The following NAV2 variants were observed in gnomAD, a reference collection of about 807,000 sequenced individuals.
The protein encoded by NAV2 is helicase, APC down-regulated 1.
A neutral mutation model predicts 223.2 loss-of-function variants in NAV2; 54 were observed. The ratio of observed to expected loss-of-function variants is 0.24; its 90% CI spans 0.19 to 0.30. NAV2 has a LOEUF of 0.30. Among genes scored for constraint, NAV2 ranks in the 10% least tolerant of loss-of-function variants. The pLI is 1.00. For synonymous variants in NAV2, 1,279 were observed against 1,239.3 expected, an observed-to-expected ratio of 1.03 and a Z score of -0.67; for missense variants, 2,806 against 3,147.5, an observed-to-expected ratio of 0.89 and a Z score of 2.60.
At chr11:20,091,045 C>T (rs780953575) in intron 27 of NAV2, 27 bp downstream of exon 27, 2 of 1,607,496 alleles carry the variant, frequency 1.2e-6, no homozygotes, top group South Asian at 2.2e-5. Context: ...ATGGGCTGAG[C>T]TCAAGGCTGT....
intron 1 of NAV2, among the ~76,000 whole-genome samples, chr11:19,381,901 G>C (rs1384830448): frequency 6.6e-6 from 1 of 152,184 alleles, no homozygotes. Flanking sequence ...GAGGACAAGA[G>C]GGGCTGTGAA....
chr11:19,625,415 C>T (rs1049651827), intron 1 of NAV2, among the ~76,000 whole-genome samples: 14 of 152,162 alleles, frequency 9.2e-5, no homozygotes, highest in African/African-American at 3.4e-4. Context: ...AATAGTATTC[C>T]ATGTTGTATA....
intron 1 of NAV2, among the ~76,000 whole-genome samples, chr11:19,671,824 G>T (rs1016234978): frequency 2.6e-5 from 4 of 152,210 alleles, no homozygotes; most frequent in African/African-American, 7.2e-5. Context: ...TGACCCATGG[G>T]CTGTAATTTG....
At chr11:19,526,666 C>T (rs1400325229) in intron 1 of NAV2, among the ~76,000 whole-genome samples, 2 of 152,132 alleles carry the variant, frequency 1.3e-5, no homozygotes, top group Non-Finnish European at 2.9e-5. Context: ...TTCCCACTTT[C>T]TCAGAGTCCC....
At chr11:19,695,024 G>T (rs2049288930) in intron 1 of NAV2, among the ~76,000 whole-genome samples, 1 of 152,206 alleles carries the variant, frequency 6.6e-6, no homozygotes, top group African/African-American at 2.4e-5. Context: ...CTGCCTGAGA[G>T]AGCTGCCACC....
rs111400038 is a variant in NAV2, at chr11:19,828,692, A to G, written c.268-3792A>G. On this transcript the variant is annotated intron_variant, in intron 1 of 37. Transcript: ENST00000349880. ...TTTTGTAGGGAGGGGGTTTCACCAC[A>G]TTGCCCAGGATGGTCTTGAACTCCT... 3.3e-3 allele frequency among the ~76,000 whole-genome samples: 495 copies of G among 151,642 alleles called. 2 individuals are homozygous for G. The highest frequency in any genetic ancestry group is 0.011 in the African/African-American group (460 of 40,996).
chr11:19,942,568 A>G (rs895936277), intron 8 of NAV2, among the ~76,000 whole-genome samples: 1 of 152,254 alleles, frequency 6.6e-6, no homozygotes, highest in African/African-American at 2.4e-5. Context: ...ACTGAAGTCC[A>G]TGCTTTTCCT....
At position 19,513,953 on chromosome 11, in the gene NAV2, G is replaced by A. The variant is rs7947258; in HGVS notation, c.75+162926G>A. Among the ~76,000 whole-genome samples the A allele has an allele frequency of 8.6e-3, 1,312 of 152,286 alleles. 13 individuals are homozygous for A. The highest frequency in any genetic ancestry group is 0.03 in the African/African-American group (1,235 of 41,528). On this transcript the variant is annotated intron_variant, in intron 1 of 37. Coordinates refer to the NAV2 transcript ENST00000360655. ...AATTCTACCCTGAGCTCCAGAGGGA[G>A]CATGGCGCTGCTCACACCTTGATTC...
intron 1 of NAV2, among the ~76,000 whole-genome samples, chr11:19,596,283 G>A (rs2046205270): frequency 6.6e-6 from 1 of 152,194 alleles, no homozygotes; most frequent in South Asian, 2.1e-4. Context: ...ACAGAGGCCT[G>A]GCTGAACCTA....
At chr11:19,709,326 A>T (rs1467315784), upstream of NAV2, among the ~76,000 whole-genome samples, 1 of 151,698 alleles carries the variant, frequency 6.6e-6, no homozygotes, top group African/African-American at 2.4e-5. Context: ...GCGAATCACG[A>T]GGTCAGGAGG....
intron 1 of NAV2, among the ~76,000 whole-genome samples, chr11:19,620,488 T>C (rs1378667604): frequency 6.6e-6 from 1 of 152,152 alleles, no homozygotes; most frequent in African/African-American, 2.4e-5. Context: ...CCCTTGTAAG[T>C]TGGATTCCTA....
chr11:19,949,317 C>A (rs1291154023), intron 10 of NAV2, among the ~76,000 whole-genome samples: 1 of 152,196 alleles, frequency 6.6e-6, no homozygotes, highest in African/African-American at 2.4e-5. Flanking sequence ...TGAAAACAAA[C>A]CATGTCGCAT....
At chr11:20,021,768 G>A (rs1421341160) in intron 11 of NAV2, among the ~76,000 whole-genome samples, 1 of 152,158 alleles carries the variant, frequency 6.6e-6, no homozygotes, top group Non-Finnish European at 1.5e-5. Flanking sequence ...AGGATGAGAT[G>A]TGAATGATTA....
intron 1 of NAV2, among the ~76,000 whole-genome samples, chr11:19,804,867 C>T (rs2058463503): frequency 6.6e-6 from 1 of 152,168 alleles, no homozygotes; most frequent in Non-Finnish European, 1.5e-5. Context: ...TTTTGAGAAA[C>T]CCGTAGGATC....
chr11:19,984,129 A>G lies in NAV2; in HGVS notation c.2650A>G (p.Met884Val), dbSNP rs755180985. The G allele has an allele frequency of 2.5e-6, 4 of 1,614,102 alleles. No individual in the cohort carries two copies. The highest frequency in any genetic ancestry group is 1.7e-6 in the Non-Finnish European group (2 of 1,179,992). Residue 884 changes from methionine to valine, a missense_variant, in exon 11 of 38, where the codon ATG becomes GTG. Met to Val is a conservative substitution (Grantham distance 21). This residue lies in a region of NAV2 where 1,167 missense variants were observed against 1,180.5 expected (regional missense o/e 0.99). Transcript: ENST00000349880. ...IRTDDITSGY[M>V]TDGGLGLYTR... is the part of the protein sequence containing the mutation. ...CATCTTCTTCTCCTTTTAAAGATAC[A>G]TGACTGATGGTGGACTTGGCCTCTA...
intron 1 of NAV2, among the ~76,000 whole-genome samples, chr11:19,626,669 G>A (rs2047180972): frequency 6.6e-6 from 1 of 152,078 alleles, no homozygotes; most frequent in African/African-American, 2.4e-5. Flanking sequence ...AGTATGGGAT[G>A]TCTTTCCAGT....
chr11:19,981,068 A>C (rs1006040885), intron 10 of NAV2, among the ~76,000 whole-genome samples: 3 of 152,204 alleles, frequency 2.0e-5, no homozygotes, highest in African/African-American at 7.2e-5. Context: ...GATAAGTGAA[A>C]TAGACTTGCA....
At chr11:19,961,550 GT>G (rs1159708319) in intron 10 of NAV2, among the ~76,000 whole-genome samples, 9 of 152,170 alleles carry the variant, frequency 5.9e-5, no homozygotes, top group African/African-American at 2.2e-4. Context: ...TCATCAAGCT[GT>G]TCTGGAAGAA....
In NAV2 at chr11:19,379,371, G is replaced by A. The variant is rs147253126; in HGVS notation, c.75+28344G>A. ...GCAAGGCCTATTACTTGGGAGCAAG[G>A]GGGTGGTTGAGAAGGGATGCTGTGA... On this transcript the variant is annotated intron_variant, in intron 1 of 37. Transcript: ENST00000360655. 1.4e-3 allele frequency among the ~76,000 whole-genome samples: 209 copies of A among 152,328 alleles called. 1 individual carries two copies. The highest frequency in any genetic ancestry group is 4.6e-3 in the African/African-American group (192 of 41,568).
Sources: gnomAD v4.1 joint callset for allele counts (sites outside exome capture counted in the v4.1 genomes callset) on GRCh38, gnomAD v4.1.1 for gene constraint, gnomAD v4.1.1 regional missense constraint, MANE v1.5 for transcripts, NCBI Gene and HGNC (gene_info 2026-07-23, HGNC 2026-07-21) for gene names.